The following C10orf67 variants were observed in gnomAD, a reference collection of about 807,000 sequenced individuals.
C10orf67 encodes uncharacterized protein C10orf67, mitochondrial.
A neutral mutation model predicts 35.6 loss-of-function variants in C10orf67; 60 were observed. The observed-to-expected ratio is 1.68, with a 90% CI of 1.37 to 2.09. The LOEUF (loss-of-function observed/expected upper bound fraction) is 2.09, where lower values mean the gene tolerates loss of function less well. C10orf67 is among the 30% of genes most tolerant of loss of function. C10orf67 has a pLI of 0.00. For synonymous variants in C10orf67, 167 were observed against 115.8 expected, an observed-to-expected ratio of 1.44 and a Z score of -2.84; for missense variants, 474 against 330.2, an observed-to-expected ratio of 1.44 and a Z score of -3.38.
In C10orf67 at chr10:23,289,948, A is replaced by G; in HGVS notation, c.861T>C (p.Leu287=). The G allele has an allele frequency of 1.4e-6, 1 of 717,110 alleles. No individual in the cohort carries two copies. The highest frequency in any genetic ancestry group is 2.6e-6 in the Non-Finnish European group (1 of 384,928). 44.4% of individuals were successfully genotyped at this position (717,110 alleles called of 1,614,324 possible). A position where few individuals can be genotyped will look rare whatever the true frequency, so the allele number is the denominator to read the frequency against. The change falls in exon 7 of 16, where the codon CTT becomes CTC. Residue 287 remains leucine (L), a synonymous_variant. Transcript: ENST00000636213. Reference sequence around the variant, plus strand: ...TTTCTGCCATCTCTTTCATACTTATAAGTTCATCTTCTGTAAACAAAAGGA... The same window carrying G: ...TTTCTGCCATCTCTTTCATACTTATGAGTTCATCTTCTGTAAACAAAAGGA... ...LKENSGLEDE[L]ISMKEMAEKD...
At chr10:23,227,236 A>C (rs997026843) in intron 13 of C10orf67, among the ~76,000 whole-genome samples, 2 of 152,236 alleles carry the variant, frequency 1.3e-5, no homozygotes, top group African/African-American at 4.8e-5. Context: ...AAGCTTATCC[A>C]ACATGATCAA....
At chr10:23,323,907 AT>A (rs1845065221) in intron 2 of C10orf67, among the ~76,000 whole-genome samples, 2 of 16,022 alleles carry the variant, frequency 1.2e-4, no homozygotes, top group Admixed American at 9.7e-4. Flanking sequence ...ATATATATAT[AT>A]ATATATATAT....
Position 23,293,013 on chromosome 10 carries a change from T to G in C10orf67, c.703-1734A>C, listed in dbSNP as rs890204188. ...CTAAAAGGTTTTGTGTGTGTGTGTG[T>G]GTGGAAAGAAATAAACAAACAATAC... On this transcript the variant is annotated intron_variant, in intron 5 of 15. Coordinates refer to ENST00000636213, the MANE Select transcript of C10orf67 (RefSeq NM_001371909.1). Among the ~76,000 whole-genome samples, 7 of 152,184 alleles carry G rather than the reference T, an allele frequency of 4.6e-5. 1 individual carries two copies. Among genetic ancestry groups the G allele is most frequent in the Non-Finnish European group, 1.0e-4 (7 of 68,028 alleles).
chr10:23,222,268 A>G (rs1025514040), intron 15 of C10orf67, among the ~76,000 whole-genome samples: 1 of 152,094 alleles, frequency 6.6e-6, no homozygotes, highest in Non-Finnish European at 1.5e-5. Context: ...CTTCAAATGG[A>G]CCTTTGCAAA....
intron 8 of C10orf67, among the ~76,000 whole-genome samples, chr10:23,276,960 C>A (rs952978236): frequency 1.3e-5 from 2 of 152,040 alleles, no homozygotes; most frequent in African/African-American, 2.4e-5. Flanking sequence ...GAATCACAAA[C>A]GGATAAGACA....
chr10:23,282,342 A>G (rs1252438932), intron 7 of C10orf67, among the ~76,000 whole-genome samples: 1 of 152,242 alleles, frequency 6.6e-6, no homozygotes, highest in African/African-American at 2.4e-5. Context: ...CAATAAAGCA[A>G]GTCCTACTCT....
At chr10:23,287,326 T>C (rs1843574801) in intron 7 of C10orf67, among the ~76,000 whole-genome samples, 1 of 151,984 alleles carries the variant, frequency 6.6e-6, no homozygotes, top group South Asian at 2.1e-4. Context: ...ACACCACACA[T>C]CTACAACCAT....
chr10:23,299,633 C>A (rs535329691), intron 5 of C10orf67, among the ~76,000 whole-genome samples: 1 of 152,184 alleles, frequency 6.6e-6, no homozygotes, highest in African/African-American at 2.4e-5. Context: ...TGTCCTAGGA[C>A]CCCTTGGATA....
intron 15 of C10orf67, among the ~76,000 whole-genome samples, chr10:23,211,941 C>A (rs1841320214): frequency 6.6e-6 from 1 of 152,108 alleles, no homozygotes; most frequent in African/African-American, 2.4e-5. Flanking sequence ...AACAAGCCAG[C>A]CTGTTAGGAA....
chr10:23,274,992 G>T (rs544377999), intron 8 of C10orf67, among the ~76,000 whole-genome samples: 1 of 151,922 alleles, frequency 6.6e-6, no homozygotes, highest in East Asian at 1.9e-4. Context: ...CCCTCTGTTC[G>T]GGGTCCCTGA....
intron 10 of C10orf67, among the ~76,000 whole-genome samples, chr10:23,254,197 G>A (rs575444493): frequency 5.9e-5 from 9 of 152,296 alleles, no homozygotes; most frequent in Middle Eastern, 6.8e-3. Context: ...ATAACATACT[G>A]TAATTTAACA....
At chr10:23,255,930 G>A (rs573280696) in intron 10 of C10orf67, among the ~76,000 whole-genome samples, 2 of 152,258 alleles carry the variant, frequency 1.3e-5, no homozygotes, top group East Asian at 1.9e-4. Context: ...TTGGGTGGCA[G>A]GATTTTCTTA....
chr10:23,203,147 G>C lies in C10orf67; in HGVS notation c.*1026C>G, dbSNP rs952128575. The C allele has an allele frequency of 6.6e-6, 1 of 152,218 alleles. No homozygotes were observed. Among genetic ancestry groups the C allele is most frequent in the Non-Finnish European group, 1.5e-5 (1 of 68,050 alleles). 9.4% of individuals were successfully genotyped at this position (152,218 alleles called of 1,614,324 possible). A position where few individuals can be genotyped will look rare whatever the true frequency, so the allele number is the denominator to read the frequency against. On this transcript the variant is annotated 3_prime_UTR_variant, in exon 16 of 16. Coordinates refer to ENST00000636213, the MANE Select transcript of C10orf67 (RefSeq NM_001371909.1). ...TTCAGCCAAGGACTGCTAAAACAAGGTGTTGATATATAGCAGCAGATTTAA... is the reference window on the plus strand; with the variant it reads ...TTCAGCCAAGGACTGCTAAAACAAGCTGTTGATATATAGCAGCAGATTTAA...
chr10:23,236,848 G>C (rs1000063468), intron 13 of C10orf67, among the ~76,000 whole-genome samples: 1 of 152,164 alleles, frequency 6.6e-6, no homozygotes, highest in African/African-American at 2.4e-5. Flanking sequence ...TTGTACTCCA[G>C]CTTGGGTGAC....
At chr10:23,265,795 G>C (rs1157036015) in intron 10 of C10orf67, among the ~76,000 whole-genome samples, 1 of 152,164 alleles carries the variant, frequency 6.6e-6, no homozygotes, top group African/African-American at 2.4e-5. Flanking sequence ...GATGATCTGG[G>C]GAAAGGTAGA....
Position 23,203,147 on chromosome 10 carries a change from G to A in C10orf67, c.*1026C>T, listed in dbSNP as rs952128575. On this transcript the variant is annotated 3_prime_UTR_variant, in exon 16 of 16. Coordinates refer to ENST00000636213, the MANE Select transcript of C10orf67 (RefSeq NM_001371909.1). ...TTCAGCCAAGGACTGCTAAAACAAG[G>A]TGTTGATATATAGCAGCAGATTTAA... The A allele has an allele frequency of 6.6e-6, 1 of 152,218 alleles. No individual in the cohort carries two copies. The highest frequency in any genetic ancestry group is 1.5e-5 in the Non-Finnish European group (1 of 68,050). 9.4% of individuals were successfully genotyped at this position (152,218 alleles called of 1,614,324 possible). A position where few individuals can be genotyped will look rare whatever the true frequency, so the allele number is the denominator to read the frequency against.
At chr10:23,341,576 T>A (rs963692992) in intron 1 of C10orf67, among the ~76,000 whole-genome samples, 1 of 152,108 alleles carries the variant, frequency 6.6e-6, no homozygotes, top group African/African-American at 2.4e-5. Flanking sequence ...TCTTTTCCAA[T>A]CCCCTCATGG....
chr10:23,245,977 TA>T (rs139142970), intron 12 of C10orf67, among the ~76,000 whole-genome samples: 28,269 of 152,032 alleles, frequency 0.19, 2,903 homozygotes, highest in Admixed American at 0.29. Flanking sequence ...GTAAACTGGA[TA>T]AAAAAATACG....
intron 2 of C10orf67, among the ~76,000 whole-genome samples, chr10:23,332,519 C>G (rs938696747): frequency 8.6e-5 from 13 of 152,024 alleles, no homozygotes; most frequent in Non-Finnish European, 1.3e-4. Context: ...CTCATCTCTA[C>G]AAAGCATACA....
Sources: allele counts gnomAD v4.1 joint callset (sites outside exome capture counted in the v4.1 genomes callset), GRCh38; gene constraint gnomAD v4.1.1; transcripts MANE v1.5; gene names NCBI Gene and HGNC (gene_info 2026-07-23, HGNC 2026-07-21).